SLC25A30: variants seen among roughly 807,000 people sequenced by gnomAD.
SLC25A30 encodes kidney mitochondrial carrier protein 1.
A neutral mutation model predicts 42.7 loss-of-function variants in SLC25A30; 29 were observed. That is an observed-to-expected ratio of 0.68 (90% confidence interval 0.51 to 0.93). The LOEUF (loss-of-function observed/expected upper bound fraction) is 0.93, where lower values mean the gene tolerates loss of function less well. SLC25A30 is among the 40% of genes least tolerant of loss of function. SLC25A30 has a pLI of 0.00. For missense variants in SLC25A30, 300 were observed against 359.7 expected, an observed-to-expected ratio of 0.83 and a Z score of 1.34; for synonymous variants, 124 against 131.0, an observed-to-expected ratio of 0.95 and a Z score of 0.37.
At chr13:45,419,142 AAAAAAAAAAG>A (rs1255192520), upstream of SLC25A30, among the ~76,000 whole-genome samples, 2 of 146,818 alleles carry the variant, frequency 1.4e-5, no homozygotes, top group Non-Finnish European at 3.0e-5. Context: ...AAAAAAAAAA[AAAAAAAAAAG>A]AAAGAAAATG....
At chr13:45,423,818 AT>A in the SLC25A30 span, among the ~76,000 whole-genome samples, 1 of 81,508 alleles carries the variant, frequency 1.2e-5, no homozygotes, top group African/African-American at 5.4e-5. Context: ...ATATAAAAAT[AT>A]AAATATATAT....
chr13:45,433,337 A>G, the SLC25A30 span, among the ~76,000 whole-genome samples: 18,248 of 152,158 alleles, frequency 0.12, 1,186 homozygotes, highest in African/African-American at 0.17. Context: ...TGGCTCCCAG[A>G]GGTAATTTTA....
chr13:45,416,500 C>A (rs941511093), intron 1 of SLC25A30, among the ~76,000 whole-genome samples: 2 of 152,022 alleles, frequency 1.3e-5, no homozygotes, highest in African/African-American at 2.4e-5. Flanking sequence ...GGGCTAGTCA[C>A]ACATACCTGT....
the SLC25A30 span, among the ~76,000 whole-genome samples, chr13:45,424,759 A>AATAT: frequency 6.5e-3 from 378 of 58,424 alleles, 23 homozygotes; most frequent in African/African-American, 0.024. Context: ...TATTTATATA[A>AATAT]ATATATAAAT....
chr13:45,425,599 T>TATATAAATATATATATAC, the SLC25A30 span, among the ~76,000 whole-genome samples: 86 of 57,040 alleles, frequency 1.5e-3, 8 homozygotes, highest in Non-Finnish European at 2.6e-3. Context: ...TATATATACA[T>TATATAAATATATATATAC]ATATATATAC....
In SLC25A30 at chr13:45,393,761, A is replaced by G. The variant is rs543365684; in HGVS notation, c.*2213T>C. The G allele has an allele frequency of 1.0e-6, 1 of 985,316 alleles. No individual in the cohort carries two copies. Among genetic ancestry groups the G allele is most frequent in the Non-Finnish European group, 1.2e-6 (1 of 829,920 alleles). The allele number at this position is 985,316 out of a possible 1,614,324, so 61.0% of individuals were successfully genotyped here. A position where few individuals can be genotyped will look rare whatever the true frequency, so the allele number is the denominator to read the frequency against. ...AAGCAGGTTAAGATCCTGTTCAATA[A>G]GGCACTTAATAAGTCTACACTGAAG... On this transcript the variant is annotated 3_prime_UTR_variant, in exon 10 of 10. Coordinates refer to ENST00000519676, the MANE Select transcript of SLC25A30 (RefSeq NM_001010875.4).
the SLC25A30 span, among the ~76,000 whole-genome samples, chr13:45,423,968 C>CATATATAAAT: frequency 3.9e-5 from 3 of 77,636 alleles, no homozygotes; most frequent in African/African-American, 5.7e-5. Flanking sequence ...TATATATAAA[C>CATATATAAAT]ATATAACAAT....
At chr13:45,422,714 T>C (rs1883919206), upstream of SLC25A30, among the ~76,000 whole-genome samples, 1 of 152,104 alleles carries the variant, frequency 6.6e-6, no homozygotes, top group Non-Finnish European at 1.5e-5. Flanking sequence ...GGGCATTTGT[T>C]TTTCTTGGTT....
intron 1 of SLC25A30, chr13:45,411,919 C>G (rs1380104420): frequency 2.0e-5 from 3 of 150,596 alleles, no homozygotes; most frequent in Non-Finnish European, 4.2e-5. Flanking sequence ...CAAGACCAGC[C>G]TGGGCAACAC....
chr13:45,401,242 A>T lies in SLC25A30; in HGVS notation c.490-35T>A, dbSNP rs374319932. ...AATATTAACAATAAAAATGATTCTG[A>T]TATGCCTCTGTAGAACAAGCCTTGC... On this transcript the variant is annotated intron_variant, in intron 6 of 9. Transcript: ENST00000519676. 709 of 1,609,288 alleles carry T rather than the reference A, an allele frequency of 4.4e-4. 2 individuals carry two copies. Among genetic ancestry groups the T allele is most frequent in the Non-Finnish European group, 5.5e-4 (644 of 1,176,522 alleles).
chr13:45,403,962 T>G (rs1467748240), intron 5 of SLC25A30, among the ~76,000 whole-genome samples: 1 of 149,876 alleles, frequency 6.7e-6, no homozygotes, highest in Non-Finnish European at 1.5e-5. Context: ...AAAGATGGAT[T>G]CAAAAATAGT....
At position 45,394,455 on chromosome 13, in the gene SLC25A30, G is replaced by C. The variant is rs375658091; in HGVS notation, c.*1519C>G. On this transcript the variant is annotated 3_prime_UTR_variant, in exon 10 of 10. Transcript: ENST00000519676. ...GACTGGCCAGACTGGGAATTTGGCCGCACTACTGTGGAAGGAGAATGCCCT... is the reference window on the plus strand; with the variant it reads ...GACTGGCCAGACTGGGAATTTGGCCCCACTACTGTGGAAGGAGAATGCCCT... The C allele has an allele frequency of 2.1e-5, 21 of 985,240 alleles. No homozygotes were observed. The highest frequency in any genetic ancestry group is 2.5e-5 in the Non-Finnish European group (21 of 829,924). The allele number at this position is 985,240 out of a possible 1,614,324, so 61.0% of individuals were successfully genotyped here. A position where few individuals can be genotyped will look rare whatever the true frequency, so the allele number is the denominator to read the frequency against.
At chr13:45,413,843 G>T (rs554327652) in intron 1 of SLC25A30, among the ~76,000 whole-genome samples, 1 of 152,168 alleles carries the variant, frequency 6.6e-6, no homozygotes, top group African/African-American at 2.4e-5. Context: ...CTGAGCCACC[G>T]TGCCTGGCCA....
intron 6 of SLC25A30, 51 bp from the exon 7 acceptor site, chr13:45,401,258 C>A: frequency 6.3e-7 from 1 of 1,581,906 alleles, no homozygotes; most frequent in East Asian, 2.2e-5. Flanking sequence ...CTCTGTAGAA[C>A]AAGCCTTGCA....
At chr13:45,410,456 T>C (rs1882908613) in intron 2 of SLC25A30, among the ~76,000 whole-genome samples, 1 of 152,168 alleles carries the variant, frequency 6.6e-6, no homozygotes, top group Non-Finnish European at 1.5e-5. Flanking sequence ...CTCTTGAGCT[T>C]GGGAGTCGAG....
chr13:45,411,393 G>T lies in SLC25A30; in HGVS notation c.33C>A (p.Tyr11Ter). MSALNWKPFV[Y>*]GGLASITAEC... ...CAGCAGTGATGGAGGCCAGCCCCCC[G>T]TACACAAACGGCTTCCAGTTGAGGG... is the stretch of plus-strand genomic sequence containing the variant. Residue 11 changes from tyrosine (Y) to a stop codon, truncating the protein, a stop_gained, in exon 2 of 10, where the codon TAC becomes TAA. Transcript: ENST00000519676. LOFTEE classifies it high-confidence loss of function. The T allele has an allele frequency of 6.2e-7, 1 of 1,614,032 alleles. No homozygotes were observed.
At position 45,394,874 on chromosome 13, in the gene SLC25A30, A is replaced by C; in HGVS notation, c.*1100T>G. 1 of 985,470 alleles carries C rather than the reference A, an allele frequency of 1.0e-6. No homozygotes were observed. The highest frequency in any genetic ancestry group is 1.2e-6 in the Non-Finnish European group (1 of 829,936). The allele number at this position is 985,470 out of a possible 1,614,324, so 61.0% of individuals were successfully genotyped here. A position where few individuals can be genotyped will look rare whatever the true frequency, so the allele number is the denominator to read the frequency against. ...AGAAAGTCCAAGACAGGCACAACAT[A>C]AACTAAAGTAAAAACTGGAAACCTG... On this transcript the variant is annotated 3_prime_UTR_variant, in exon 10 of 10. Transcript: ENST00000519676.
intron 2 of SLC25A30, among the ~76,000 whole-genome samples, chr13:45,410,083 G>T (rs1882868821): frequency 6.6e-6 from 1 of 152,144 alleles, no homozygotes; most frequent in Admixed American, 6.5e-5. Flanking sequence ...AAGCAATGAT[G>T]TGTCCCCAAC....
Position 45,393,742 on chromosome 13 carries a change from G to C in SLC25A30, c.*2232C>G. ...TCTTTCAAAAAAACAGAAAAAGCAG[G>C]TTAAGATCCTGTTCAATAAGGCACT... On this transcript the variant is annotated 3_prime_UTR_variant, in exon 10 of 10. Coordinates refer to ENST00000519676, the MANE Select transcript of SLC25A30 (RefSeq NM_001010875.4). The C allele has an allele frequency of 6.1e-6, 6 of 985,358 alleles. No homozygotes were observed. Among genetic ancestry groups the C allele is most frequent in the Non-Finnish European group, 7.2e-6 (6 of 829,906 alleles). 61.0% of individuals were successfully genotyped at this position (985,358 alleles called of 1,614,324 possible). A position where few individuals can be genotyped will look rare whatever the true frequency, so the allele number is the denominator to read the frequency against.
Sources: allele counts gnomAD v4.1 joint callset (sites outside exome capture counted in the v4.1 genomes callset), GRCh38; gene constraint gnomAD v4.1.1; transcripts MANE v1.5; gene names NCBI Gene and HGNC (gene_info 2026-07-23, HGNC 2026-07-21).